Variants in STEAP1B observed in about 807,000 individuals in gnomAD.
STEAP1B encodes the protein STEAP family member 1B, also known as STEAP family protein MGC87042.
Under a neutral mutation model 27.9 loss-of-function variants are expected in STEAP1B, and 13 were observed. The observed-to-expected ratio is 0.47, with a 90% CI of 0.30 to 0.74. STEAP1B has a LOEUF of 0.74. Among genes scored for constraint, STEAP1B ranks in the 30% least tolerant of loss-of-function variants. The probability of loss-of-function intolerance (pLI) is 0.06; values close to 1 mark genes in which losing one functional copy is unlikely to be tolerated. For missense variants in STEAP1B, 250 were observed against 298.7 expected, an observed-to-expected ratio of 0.84 and a Z score of 1.20; for synonymous variants, 86 against 107.1, an observed-to-expected ratio of 0.80 and a Z score of 1.22.
At chr7:22,461,956 T>C (rs554933137) in intron 4 of STEAP1B, among the ~76,000 whole-genome samples, 1 of 152,342 alleles carries the variant, frequency 6.6e-6, no homozygotes, top group East Asian at 1.9e-4. Context: ...ACTTGAAACG[T>C]ACCAGCCACG....
chr7:22,483,736 A>G (rs1366796901), intron 4 of STEAP1B, among the ~76,000 whole-genome samples: 1 of 152,172 alleles, frequency 6.6e-6, no homozygotes, highest in Non-Finnish European at 1.5e-5. Context: ...GAGGCTATTT[A>G]GGGTTACTAA....
At chr7:22,472,932 G>T (rs759903280) in intron 4 of STEAP1B, among the ~76,000 whole-genome samples, 66 of 152,264 alleles carry the variant, frequency 4.3e-4, no homozygotes, top group Non-Finnish European at 8.5e-4. Context: ...AAAATGGAGA[G>T]GATGATGATG....
intron 4 of STEAP1B, among the ~76,000 whole-genome samples, chr7:22,476,129 T>C (rs893212184): frequency 2.6e-5 from 4 of 152,194 alleles, no homozygotes; most frequent in African/African-American, 4.8e-5. Context: ...GAGCTGGGCT[T>C]CATGTCCCAT....
chr7:22,473,924 A>G (rs1388114340), intron 4 of STEAP1B, among the ~76,000 whole-genome samples: 5 of 152,218 alleles, frequency 3.3e-5, no homozygotes, highest in Non-Finnish European at 5.9e-5. Context: ...ACTAGTGCCC[A>G]TCCCCGAGGC....
intron 4 of STEAP1B, among the ~76,000 whole-genome samples, chr7:22,456,972 A>ATATATATATTTTTTTTTTTTTTTTTTTT: frequency 1.8e-5 from 1 of 57,076 alleles, no homozygotes; most frequent in Non-Finnish European, 3.3e-5. Context: ...ATATATATAT[A>ATATATATATTTTTTTTTTTTTTTTTTTT]TTTTTTTTTT....
intron 4 of STEAP1B, among the ~76,000 whole-genome samples, chr7:22,425,555 T>C (rs778591695): frequency 6.6e-6 from 1 of 152,242 alleles, no homozygotes; most frequent in African/African-American, 2.4e-5. Flanking sequence ...AGTTTTCAAC[T>C]GATTTGCATA....
At chr7:22,447,523 T>C (rs1785427008) in intron 4 of STEAP1B, among the ~76,000 whole-genome samples, 1 of 152,180 alleles carries the variant, frequency 6.6e-6, no homozygotes, top group South Asian at 2.1e-4. Flanking sequence ...CAATGACTGT[T>C]TTAATAGATT....
intron 1 of STEAP1B, among the ~76,000 whole-genome samples, chr7:22,496,383 A>T (rs1389224505): frequency 6.6e-6 from 1 of 152,142 alleles, no homozygotes; most frequent in African/African-American, 2.4e-5. Context: ...ATTTTCAATA[A>T]ATGTAGGGTA....
chr7:22,496,431 T>A (rs1786442648), intron 1 of STEAP1B, among the ~76,000 whole-genome samples: 2 of 152,180 alleles, frequency 1.3e-5, no homozygotes, highest in African/African-American at 4.8e-5. Flanking sequence ...TATAGTAGTG[T>A]ACAGTAATGT....
intron 4 of STEAP1B, among the ~76,000 whole-genome samples, chr7:22,446,700 T>A (rs1785414277): frequency 6.6e-6 from 1 of 152,284 alleles, no homozygotes; most frequent in Middle Eastern, 3.4e-3. Flanking sequence ...TCAGCCAAGA[T>A]TAGAGTTAAT....
chr7:22,447,114 T>C lies in STEAP1B; in HGVS notation c.763-27278A>G, dbSNP rs75483650. Among the ~76,000 whole-genome samples, 50 of 152,336 alleles carry C rather than the reference T, an allele frequency of 3.3e-4. 1 individual carries two copies. In the East Asian group the frequency reaches 8.7e-3, roughly 26 times the overall value. ...TTAAAGATGACTGGTAGCCTTAGTA[T>C]AGAAGCAGCTCTAATTTAGCATGGC... On this transcript the variant is annotated intron_variant, in intron 4 of 4. Coordinates refer to ENST00000678116, the MANE Select transcript of STEAP1B (RefSeq NM_001382447.1).
At chr7:22,434,191 T>A (rs1785225790) in intron 4 of STEAP1B, among the ~76,000 whole-genome samples, 2 of 152,208 alleles carry the variant, frequency 1.3e-5, no homozygotes. Context: ...ATCCCAGGGT[T>A]CTGGCAGAGG....
At chr7:22,470,797 TA>T (rs1785868341) in intron 4 of STEAP1B, among the ~76,000 whole-genome samples, 1 of 152,182 alleles carries the variant, frequency 6.6e-6, no homozygotes, top group East Asian at 1.9e-4. Context: ...GATGTTAACA[TA>T]AGCAGGAACT....
Position 22,492,612 on chromosome 7 carries a change from G to T in STEAP1B, c.715C>A (p.Pro239Thr). The change falls in exon 4 of 5, where the codon CCA becomes ACA. Residue 239 changes from proline to threonine, a missense_variant. Pro to Thr is a conservative substitution (Grantham distance 38, BLOSUM62 -1). Coordinates refer to ENST00000678116, the MANE Select transcript of STEAP1B (RefSeq NM_001382447.1). ...ILALLAVTSI[P>T]SVSDSLTWRE... Reference sequence around the variant, plus strand: ...CATGTCAAAGAGTCACTCACAGATGGAATAGATGTCACAGCCAACAGAGCC... The same window carrying T: ...CATGTCAAAGAGTCACTCACAGATGTAATAGATGTCACAGCCAACAGAGCC... 6.2e-7 allele frequency: 1 copy of T among 1,613,252 alleles called. No homozygotes were observed. The highest frequency in any genetic ancestry group is 8.5e-7 in the Non-Finnish European group (1 of 1,179,636).
intron 4 of STEAP1B, among the ~76,000 whole-genome samples, chr7:22,481,011 T>TCA (rs1417127605): frequency 6.6e-6 from 1 of 152,222 alleles, no homozygotes; most frequent in African/African-American, 2.4e-5. Flanking sequence ...ACTAACAGGC[T>TCA]CAGTGTTAAG....
intron 4 of STEAP1B, among the ~76,000 whole-genome samples, chr7:22,484,389 G>C (rs530334342): frequency 3.9e-5 from 6 of 152,272 alleles, no homozygotes; most frequent in South Asian, 2.1e-4. Context: ...CTGTGCTCTA[G>C]ACATGGCACA....
rs182433630 is a variant in STEAP1B at position 22,443,034 on chromosome 7, C to T, written c.763-23198G>A. Among the ~76,000 whole-genome samples, 29 of 152,298 alleles carry T rather than the reference C, an allele frequency of 1.9e-4. 1 individual carries two copies. Among genetic ancestry groups the T allele is most frequent in the Admixed American group, 1.3e-3 (20 of 15,302 alleles). Reference sequence around the variant, plus strand: ...AGCCAGTGTGCTTCAGTCTGAGGCTCCTTCCTTCCCTCCCACTCGCTCCTG... The same window carrying T: ...AGCCAGTGTGCTTCAGTCTGAGGCTTCTTCCTTCCCTCCCACTCGCTCCTG... On this transcript the variant is annotated intron_variant, in intron 4 of 4. Transcript: ENST00000678116.
At chr7:22,444,511 GGGACCAT>G (rs1308289509) in intron 4 of STEAP1B, among the ~76,000 whole-genome samples, 2 of 152,180 alleles carry the variant, frequency 1.3e-5, no homozygotes, top group Non-Finnish European at 2.9e-5. Flanking sequence ...GGGGATTCCA[GGGACCAT>G]GGACTCTTTG....
chr7:22,438,170 CT>C (rs1785278129), intron 4 of STEAP1B, among the ~76,000 whole-genome samples: 1 of 152,166 alleles, frequency 6.6e-6, no homozygotes, highest in Non-Finnish European at 1.5e-5. Context: ...TCCCGAGAAA[CT>C]CCCCCACGTT....
Sources: gnomAD v4.1 joint callset for allele counts (sites outside exome capture counted in the v4.1 genomes callset) on GRCh38, gnomAD v4.1.1 for gene constraint, MANE v1.5 for transcripts, NCBI Gene and HGNC (gene_info 2026-07-23, HGNC 2026-07-21) for gene names.